The following ODAD2 variants were observed in gnomAD, a reference collection of about 807,000 sequenced individuals.
ODAD2 encodes the protein outer dynein arm-docking complex subunit 2.
ODAD2 carries 89 observed loss-of-function variants against 106.8 expected under a neutral mutation model. The ratio of observed to expected loss-of-function variants is 0.83; its 90% CI spans 0.70 to 0.99. The LOEUF (loss-of-function observed/expected upper bound fraction) is 0.99. Among genes scored for constraint, ODAD2 ranks in the 50% least tolerant of loss-of-function variants. ODAD2 has a pLI of 0.00. For missense variants in ODAD2, 1,168 were observed against 1,238.5 expected, an observed-to-expected ratio of 0.94 and a Z score of 0.85; for synonymous variants, 404 against 436.2, an observed-to-expected ratio of 0.93 and a Z score of 0.92.
At chr10:27,893,656 G>A (rs190698674) in intron 17 of ODAD2, among the ~76,000 whole-genome samples, 228 of 152,240 alleles carry the variant, frequency 1.5e-3, no homozygotes, top group Middle Eastern at 3.4e-3. Flanking sequence ...AAATGCTTCC[G>A]TACAAAATAA....
chr10:27,881,761 A>G (rs1422507957), intron 17 of ODAD2, among the ~76,000 whole-genome samples: 1 of 152,250 alleles, frequency 6.6e-6, no homozygotes, highest in East Asian at 1.9e-4. Context: ...TAGGAGCCTC[A>G]GAAATATAAG....
intron 7 of ODAD2, among the ~76,000 whole-genome samples, chr10:27,971,814 T>C (rs933428922): frequency 2.0e-5 from 3 of 152,162 alleles, no homozygotes; most frequent in African/African-American, 7.2e-5. Context: ...CAAAATTCTT[T>C]ACTAAGAATA....
intron 6 of ODAD2, among the ~76,000 whole-genome samples, chr10:27,982,336 T>G (rs1200241253): frequency 6.6e-6 from 1 of 152,196 alleles, no homozygotes; most frequent in Non-Finnish European, 1.5e-5. Context: ...CTTTCATTTT[T>G]TTAAAACTTA....
At chr10:27,852,960 C>CAAAA (rs61548333) in intron 19 of ODAD2, among the ~76,000 whole-genome samples, 3 of 84,742 alleles carry the variant, frequency 3.5e-5, no homozygotes, top group African/African-American at 9.0e-5. Context: ...GACACAGTCT[C>CAAAA]AAAAAAAAAA....
intron 15 of ODAD2, among the ~76,000 whole-genome samples, chr10:27,936,508 T>C (rs1210793618): frequency 6.6e-6 from 1 of 152,198 alleles, no homozygotes; most frequent in Non-Finnish European, 1.5e-5. Flanking sequence ...GCAAGCCTCT[T>C]AGTGCCACTG....
intron 17 of ODAD2, among the ~76,000 whole-genome samples, chr10:27,881,323 A>C (rs1226014754): frequency 3.3e-5 from 5 of 152,162 alleles, no homozygotes; most frequent in Admixed American, 3.3e-4. Context: ...GGTAACAACA[A>C]ACATTGTACT....
At chr10:27,977,915 T>C (rs1286961152) in intron 7 of ODAD2, among the ~76,000 whole-genome samples, 1 of 152,234 alleles carries the variant, frequency 6.6e-6, no homozygotes, top group Non-Finnish European at 1.5e-5. Context: ...GGGACTCTCA[T>C]ACATTGCCTA....
rs202130719 is a variant in ODAD2, at chr10:27,987,342, T to C, written c.382+44A>G. ...CCCTTTCCCCACTTTCCCAGCAAGA[T>C]TGTTTCTAAAAGTTCAAATCACAGA... On this transcript the variant is annotated intron_variant, in intron 3 of 19. Transcript: ENST00000305242. 38 of 1,579,340 alleles carry C rather than the reference T, an allele frequency of 2.4e-5. 1 individual carries two copies. The highest frequency in any genetic ancestry group is 3.4e-4 in the Middle Eastern group (2 of 5,932).
At chr10:27,909,254 T>C (rs752850426) in intron 16 of ODAD2, among the ~76,000 whole-genome samples, 8 of 152,176 alleles carry the variant, frequency 5.3e-5, no homozygotes, top group Non-Finnish European at 1.2e-4. Context: ...TAACTGTATA[T>C]TGCTGGACAG....
chr10:27,856,278 A>G (rs1839649361), intron 19 of ODAD2, among the ~76,000 whole-genome samples: 1 of 152,162 alleles, frequency 6.6e-6, no homozygotes, highest in African/African-American at 2.4e-5. Context: ...GGGATTGATT[A>G]ACACATTTAG....
intron 5 of ODAD2, 40 bp from the exon 6 acceptor site, chr10:27,984,019 C>T: frequency 1.3e-6 from 2 of 1,590,636 alleles, no homozygotes; most frequent in Non-Finnish European, 8.5e-7. Flanking sequence ...AGTTCCTTAA[C>T]CTAGAGTTTG....
intron 17 of ODAD2, among the ~76,000 whole-genome samples, chr10:27,887,355 A>T (rs1049203006): frequency 6.6e-6 from 1 of 152,060 alleles, no homozygotes; most frequent in Non-Finnish European, 1.5e-5. Flanking sequence ...AATGAAGCAA[A>T]CATTGACAGA....
intron 16 of ODAD2, among the ~76,000 whole-genome samples, chr10:27,910,487 G>A (rs925194850): frequency 6.6e-6 from 1 of 152,150 alleles, no homozygotes; most frequent in Non-Finnish European, 1.5e-5. Flanking sequence ...CAGGCACGGT[G>A]GCTCACGCCT....
At chr10:27,899,139 G>T (rs1843028997) in intron 17 of ODAD2, among the ~76,000 whole-genome samples, 1 of 151,852 alleles carries the variant, frequency 6.6e-6, no homozygotes, top group Non-Finnish European at 1.5e-5. Flanking sequence ...TTGTTAGACA[G>T]TGGGTACAGC....
Position 27,961,636 on chromosome 10 carries a change from G to T in ODAD2, c.1318C>A (p.Arg440Ser), listed in dbSNP as rs376424270. The change falls in exon 10 of 20, where the codon CGT (arginine) becomes AGT (serine). Residue 440 changes from arginine (R) to serine (S), a missense_variant. Around this residue, in one of 3 missense-constraint regions of ODAD2, gnomAD observed 37 missense variants for 74.1 expected, o/e 0.50. Transcript: ENST00000305242. ...SEEDEEPPDH[R>S]QEASADLPSE... ...GGCAAATCTGCACTTGCTTCCTGAC[G>T]ATGGTCAGGTGGTTCTTCATCTTCC... 2.1e-5 allele frequency: 34 copies of T among 1,605,040 alleles called. No individual in the cohort carries two copies. Among genetic ancestry groups the T allele is most frequent in the Non-Finnish European group, 2.8e-5 (33 of 1,172,220 alleles).
Position 27,940,813 on chromosome 10 carries a change from A to C in ODAD2, c.1744-8T>G, listed in dbSNP as rs1846362167. On this transcript the variant is annotated splice_region_variant and splice_polypyrimidine_tract_variant and intron_variant, in intron 12 of 19. Transcript: ENST00000305242. The stretch of plus-strand genomic sequence containing the variant: ...ACAGTCTAGTAGAGCAACCTATAAT[A>C]ATAGATAAATCCAATGTTCATGGAA... 1 of 1,609,678 alleles carries C rather than the reference A, an allele frequency of 6.2e-7. No individual in the cohort carries two copies. The highest frequency in any genetic ancestry group is 1.3e-5 in the African/African-American group (1 of 74,862).
At chr10:27,963,401 G>A (rs1362641402) in intron 9 of ODAD2, among the ~76,000 whole-genome samples, 1 of 152,020 alleles carries the variant, frequency 6.6e-6, no homozygotes, top group Non-Finnish European at 1.5e-5. Context: ...GGAAATGTCA[G>A]AGAAATTAAG....
chr10:27,945,935 C>A (rs1224854357), intron 10 of ODAD2, among the ~76,000 whole-genome samples: 1 of 146,716 alleles, frequency 6.8e-6, no homozygotes, highest in East Asian at 1.9e-4. Flanking sequence ...AACATAGTAC[C>A]AATGTTTTAA....
intron 17 of ODAD2, among the ~76,000 whole-genome samples, chr10:27,902,468 A>T (rs939244927): frequency 6.6e-6 from 1 of 152,222 alleles, no homozygotes; most frequent in Non-Finnish European, 1.5e-5. Context: ...TGAAGGTGAT[A>T]GAGACAGGAA....
Sources: allele counts gnomAD v4.1 joint callset (sites outside exome capture counted in the v4.1 genomes callset), GRCh38; gene constraint gnomAD v4.1.1; regional missense constraint gnomAD v4.1.1; transcripts MANE v1.5; gene names NCBI Gene and HGNC (gene_info 2026-07-23, HGNC 2026-07-21).